Variants in DNM3 observed in about 807,000 individuals in gnomAD.
The protein encoded by DNM3 is dynamin 3.
In DNM3, 47 loss-of-function variants were observed where a neutral mutation model predicts 101.6. The ratio of observed to expected loss-of-function variants is 0.46; its 90% confidence interval spans 0.37 to 0.59. The LOEUF is 0.59. DNM3 is among the 20% of genes least tolerant of loss of function. DNM3 has a pLI of 0.00. For missense variants in DNM3, 849 were observed against 1,085.7 expected (o/e 0.78, Z 3.06); for synonymous variants, 385 against 387.9 (o/e 0.99, Z 0.09).
chr1:172,230,591 C>T (rs1031993145), intron 14 of DNM3, among the ~76,000 whole-genome samples: 8 of 152,030 alleles, frequency 5.3e-5, no homozygotes, highest in Admixed American at 1.3e-4. Flanking sequence ...TTAGAATGTT[C>T]CTTCAAATGA....
Position 172,131,223 on chromosome 1 carries a change from G to A in DNM3, c.1594G>A (p.Gly532Ser), listed in dbSNP as rs1344450041. 6.2e-7 allele frequency: 1 copy of A among 1,613,430 alleles called. No individual in the cohort carries two copies. Among genetic ancestry groups the A allele is most frequent in the Non-Finnish European group, 8.5e-7 (1 of 1,179,614 alleles). The change falls in exon 14 of 21, where the codon GGC (glycine) becomes AGC (serine). Residue 532 changes from glycine to serine, a missense_variant. By Grantham distance (56) the Gly-to-Ser change is moderately conservative. This residue lies in a region of DNM3 where 193 missense variants were observed against 238.4 expected (regional missense o/e 0.81). Transcript: ENST00000627582. ...CATCAGCAACATTGGCATCATGAAA[G>A]GCGGCTCGAAGGGATACTGGTTCGT... is the stretch of plus-strand genomic sequence containing the variant. ...LTISNIGIMK[G>S]GSKGYWFVLT...
Position 172,118,728 on chromosome 1 carries a change from G to A in DNM3, c.1546-12447G>A, listed in dbSNP as rs558127627. 2.6e-5 allele frequency among the ~76,000 whole-genome samples: 4 copies of A among 152,180 alleles called. No individual in the cohort carries two copies. The East Asian group carries it at 7.7e-4, about 29-fold the overall frequency. On this transcript the variant is annotated intron_variant, in intron 13 of 20. Coordinates refer to ENST00000627582, the MANE Select transcript of DNM3 (RefSeq NM_015569.5). Reference sequence around the variant, plus strand: ...AGCCACAGCAACAACTCTTAGTGACGTTTCCCAGCCAGCAGGCATCAGGAG... The same window carrying A: ...AGCCACAGCAACAACTCTTAGTGACATTTCCCAGCCAGCAGGCATCAGGAG...
intron 14 of DNM3, among the ~76,000 whole-genome samples, chr1:172,167,833 T>G (rs2058806011): frequency 6.6e-6 from 1 of 152,066 alleles, no homozygotes; most frequent in Non-Finnish European, 1.5e-5. Context: ...ATTTAGTTCA[T>G]GTTGCTCCAA....
intron 11 of DNM3, among the ~76,000 whole-genome samples, chr1:172,075,541 T>G (rs1227830182): frequency 6.6e-6 from 1 of 152,220 alleles, no homozygotes; most frequent in Non-Finnish European, 1.5e-5. Flanking sequence ...GGCTAGCCAG[T>G]TTTCCCAACA....
intron 1 of DNM3, among the ~76,000 whole-genome samples, chr1:171,879,610 T>C (rs1348440105): frequency 6.6e-6 from 1 of 152,222 alleles, no homozygotes; most frequent in Non-Finnish European, 1.5e-5. Context: ...CATTGGACTC[T>C]AGACTGGGCC....
intron 13 of DNM3, among the ~76,000 whole-genome samples, chr1:172,094,641 G>A (rs993805786): frequency 6.6e-6 from 1 of 152,164 alleles, no homozygotes; most frequent in African/African-American, 2.4e-5. Flanking sequence ...GAGGTTTGCA[G>A]CCCAGTACCA....
intron 1 of DNM3, among the ~76,000 whole-genome samples, chr1:171,862,786 G>A (rs1475742548): frequency 6.6e-6 from 1 of 152,072 alleles, no homozygotes; most frequent in Non-Finnish European, 1.5e-5. Flanking sequence ...CACTTTGAGG[G>A]AGAGTATATG....
At chr1:172,202,087 G>A (rs2060175036) in intron 14 of DNM3, among the ~76,000 whole-genome samples, 1 of 152,092 alleles carries the variant, frequency 6.6e-6, no homozygotes, top group Admixed American at 6.6e-5. Flanking sequence ...CCCAATGTGA[G>A]TACCTGGATG....
intron 17 of DNM3, among the ~76,000 whole-genome samples, chr1:172,358,585 C>A (rs1286936753): frequency 6.6e-6 from 1 of 152,014 alleles, no homozygotes; most frequent in African/African-American, 2.4e-5. Context: ...CAGCTCCCTC[C>A]CCCACCAGAA....
chr1:172,392,234 C>G (rs2069583697), intron 20 of DNM3, among the ~76,000 whole-genome samples: 1 of 152,136 alleles, frequency 6.6e-6, no homozygotes, highest in Admixed American at 6.5e-5. Context: ...TCCACTTGAA[C>G]TAGAGAAGCA....
chr1:172,336,176 T>A (rs991540169), intron 17 of DNM3, among the ~76,000 whole-genome samples: 9 of 152,086 alleles, frequency 5.9e-5, no homozygotes, highest in Admixed American at 1.3e-4. Context: ...GTCTAAAATG[T>A]CAGTAGTACT....
chr1:172,038,190 C>A, intron 6 of DNM3, 129 bp from the exon 7 acceptor site: 1 of 1,190,738 alleles, frequency 8.4e-7, no homozygotes, highest in South Asian at 1.5e-5. Context: ...ATGTCAAATG[C>A]AGACATAATG....
At chr1:172,105,883 T>A (rs2054977229) in intron 13 of DNM3, among the ~76,000 whole-genome samples, 1 of 152,236 alleles carries the variant, frequency 6.6e-6, no homozygotes, top group Non-Finnish European at 1.5e-5. Context: ...TATTGCTACA[T>A]GAAAACCATT....
At chr1:172,103,204 A>G (rs902514420) in intron 13 of DNM3, among the ~76,000 whole-genome samples, 1 of 152,180 alleles carries the variant, frequency 6.6e-6, no homozygotes, top group African/African-American at 2.4e-5. Context: ...ACATGGGTAC[A>G]CACCCACCCA....
chr1:171,956,700 T>C (rs1427000423), intron 2 of DNM3, among the ~76,000 whole-genome samples: 1 of 152,168 alleles, frequency 6.6e-6, no homozygotes, highest in Non-Finnish European at 1.5e-5. Flanking sequence ...CACATTTCCC[T>C]TCCACACTGC....
At chr1:172,292,660 T>A (rs1200759566) in intron 15 of DNM3, among the ~76,000 whole-genome samples, 1 of 151,944 alleles carries the variant, frequency 6.6e-6, no homozygotes. Context: ...AACTATTAAG[T>A]TGGTGCAAAA....
intron 14 of DNM3, among the ~76,000 whole-genome samples, chr1:172,153,259 T>C (rs909623415): frequency 6.6e-6 from 1 of 152,152 alleles, no homozygotes; most frequent in Non-Finnish European, 1.5e-5. Context: ...TTTGAAAACA[T>C]TCTGCAACAA....
intron 17 of DNM3, among the ~76,000 whole-genome samples, chr1:172,337,555 G>A (rs1159333297): frequency 1.3e-5 from 2 of 152,318 alleles, no homozygotes; most frequent in Non-Finnish European, 2.9e-5. Context: ...AAAGAAACAT[G>A]TAAAAGTTTT....
In DNM3 at chr1:172,233,486, T is replaced by C. The variant is rs2061418169; in HGVS notation, c.1660-20087T>C. Among the ~76,000 whole-genome samples the C allele has an allele frequency of 2.6e-5, 4 of 152,186 alleles. No homozygotes were observed. The South Asian group carries it at 8.3e-4, about 32-fold the overall frequency. On this transcript the variant is annotated intron_variant, in intron 14 of 20. Transcript: ENST00000627582. ...ACAAGGAGGAACTGATACCATTCCTTCTGAAACTATTCCAATCAATAGAAA... is the reference window on the plus strand; with the variant it reads ...ACAAGGAGGAACTGATACCATTCCTCCTGAAACTATTCCAATCAATAGAAA...
Sources: gnomAD v4.1 joint callset for allele counts (sites outside exome capture counted in the v4.1 genomes callset) on GRCh38, gnomAD v4.1.1 for gene constraint, gnomAD v4.1.1 regional missense constraint, MANE v1.5 for transcripts, NCBI Gene and HGNC (gene_info 2026-07-23, HGNC 2026-07-21) for gene names.